Variants in PEBP4 observed in about 807,000 individuals in gnomAD.
PEBP4 encodes the protein phosphatidylethanolamine binding protein 4, also known as phosphatidylethanolamine-binding protein 4.
A neutral mutation model predicts 23.9 loss-of-function variants in PEBP4; 22 were observed. That is an observed-to-expected ratio of 0.92 (90% CI 0.66 to 1.31). PEBP4 has a LOEUF of 1.31. Ranked by LOEUF, PEBP4 falls within the 40% of genes most tolerant of loss-of-function variation. The pLI, the probability that PEBP4 is intolerant of heterozygous loss-of-function variation, is 0.00. For synonymous variants in PEBP4, 112 were observed against 99.3 expected (o/e 1.13, Z -0.76); for missense variants, 324 against 281.7 (o/e 1.15, Z -1.07).
chr8:22,842,642 G>A (rs942406034), intron 3 of PEBP4, among the ~76,000 whole-genome samples: 2 of 152,078 alleles, frequency 1.3e-5, no homozygotes, highest in African/African-American at 4.8e-5. Context: ...GATCCCAACA[G>A]GCCTGCACAG....
intron 3 of PEBP4, among the ~76,000 whole-genome samples, chr8:22,877,796 C>T (rs1435232490): frequency 7.9e-5 from 12 of 152,236 alleles, no homozygotes; most frequent in Admixed American, 7.2e-4. Context: ...TAAACACTGC[C>T]TCAGAGACAC....
intron 4 of PEBP4, among the ~76,000 whole-genome samples, chr8:22,751,212 C>T (rs1169900622): frequency 6.6e-6 from 1 of 152,162 alleles, no homozygotes; most frequent in Admixed American, 6.5e-5. Flanking sequence ...AGGGTGACCA[C>T]TCGGAACTAA....
chr8:22,782,590 C>T (rs1342507089), intron 4 of PEBP4, among the ~76,000 whole-genome samples: 1 of 152,226 alleles, frequency 6.6e-6, no homozygotes, highest in Non-Finnish European at 1.5e-5. Context: ...AGAATGATTT[C>T]TTCAAGCAAG....
At chr8:22,857,866 A>C (rs1049405207) in intron 3 of PEBP4, among the ~76,000 whole-genome samples, 2 of 152,200 alleles carry the variant, frequency 1.3e-5, no homozygotes, top group Non-Finnish European at 2.9e-5. Context: ...GATGGGGAGC[A>C]AGAGGAGAGC....
intron 3 of PEBP4, among the ~76,000 whole-genome samples, chr8:22,914,232 T>G (rs1279291422): frequency 6.6e-6 from 1 of 152,142 alleles, no homozygotes; most frequent in Non-Finnish European, 1.5e-5. Flanking sequence ...TCTGCCCACC[T>G]CAGCCTCCCA....
chr8:22,851,801 CAA>C (rs1563237281), intron 3 of PEBP4, among the ~76,000 whole-genome samples: 2 of 152,010 alleles, frequency 1.3e-5, no homozygotes, highest in African/African-American at 4.8e-5. Context: ...AATCTCGGTG[CAA>C]AGAGACAGCC....
At chr8:22,917,217 A>G (rs1379981577) in intron 3 of PEBP4, among the ~76,000 whole-genome samples, 4 of 152,092 alleles carry the variant, frequency 2.6e-5, no homozygotes, top group Non-Finnish European at 5.9e-5. Context: ...CCATCCCCAC[A>G]TAGCAGTCAC....
Position 22,910,880 on chromosome 8 carries a change from C to T in PEBP4, c.258+9304G>A, listed in dbSNP as rs143381010. Among the ~76,000 whole-genome samples, 376 of 152,286 alleles carry T rather than the reference C, an allele frequency of 2.5e-3. 1 individual carries two copies. Among genetic ancestry groups the T allele is most frequent in the East Asian group, 6.2e-3 (32 of 5,176 alleles). On this transcript the variant is annotated intron_variant, in intron 3 of 6. Transcript: ENST00000256404. ...TCTGTATGATACTATGATGCCATCA[C>T]GCATTTGTAGAAACCCACAGAATGT...
chr8:22,868,013 A>G (rs1807939510), intron 3 of PEBP4, among the ~76,000 whole-genome samples: 1 of 152,224 alleles, frequency 6.6e-6, no homozygotes, highest in Non-Finnish European at 1.5e-5. Flanking sequence ...GATCTAGCCC[A>G]GCCCGGCTGG....
intron 4 of PEBP4, among the ~76,000 whole-genome samples, chr8:22,785,406 C>T (rs771162208): frequency 8.5e-5 from 13 of 152,130 alleles, no homozygotes; most frequent in African/African-American, 1.2e-4. Flanking sequence ...GACAGAACCA[C>T]GGCCATTTCG....
chr8:22,793,248 A>G (rs564952029), intron 4 of PEBP4, among the ~76,000 whole-genome samples: 12 of 152,084 alleles, frequency 7.9e-5, no homozygotes, highest in Admixed American at 7.9e-4. Context: ...TTCACCTTCA[A>G]CCATTTTAAT....
intron 4 of PEBP4, among the ~76,000 whole-genome samples, chr8:22,808,766 T>A (rs4872029): frequency 2.6e-5 from 4 of 152,138 alleles, no homozygotes; most frequent in African/African-American, 9.7e-5. Context: ...TTATCTCCTA[T>A]ATGTTGGCCT....
intron 4 of PEBP4, among the ~76,000 whole-genome samples, chr8:22,780,326 T>C (rs1805889316): frequency 6.6e-6 from 1 of 152,052 alleles, no homozygotes; most frequent in Non-Finnish European, 1.5e-5. Context: ...CAGGCCTGGG[T>C]CAATTTCACT....
At chr8:22,923,858 C>T (rs952786441) in intron 2 of PEBP4, among the ~76,000 whole-genome samples, 9 of 152,088 alleles carry the variant, frequency 5.9e-5, no homozygotes, top group Admixed American at 3.9e-4. Context: ...AACCTTGTAC[C>T]GCACACTGAA....
At chr8:22,851,420 C>T (rs73555803) in intron 3 of PEBP4, among the ~76,000 whole-genome samples, 2,303 of 152,186 alleles carry the variant, frequency 0.015, 70 homozygotes, top group African/African-American at 0.052. Flanking sequence ...TCAGTGAAGC[C>T]TACTTAAGGT....
At chr8:22,883,044 T>A (rs1489379532) in intron 3 of PEBP4, among the ~76,000 whole-genome samples, 4 of 152,114 alleles carry the variant, frequency 2.6e-5, no homozygotes, top group Non-Finnish European at 5.9e-5. Flanking sequence ...CCTCTAGGGA[T>A]CTGTGATTAT....
In PEBP4 at chr8:22,713,341, C is replaced by A. The variant is rs1330843477; in HGVS notation, c.*29G>T. On this transcript the variant is annotated 3_prime_UTR_variant, in exon 7 of 7. Coordinates refer to ENST00000256404, the MANE Select transcript of PEBP4 (RefSeq NM_144962.3). ...ACATCGTCGGTGGTGGGCAGTGTGG[C>A]CACATGCCCGGATGGCAAAGCCGGC... 1 of 1,552,902 alleles carries A rather than the reference C, an allele frequency of 6.4e-7. No individual in the cohort carries two copies. The highest frequency in any genetic ancestry group is 8.7e-7 in the Non-Finnish European group (1 of 1,150,510).
chr8:22,729,752 T>G (rs1239184126), intron 4 of PEBP4, among the ~76,000 whole-genome samples: 3 of 152,086 alleles, frequency 2.0e-5, no homozygotes, highest in African/African-American at 7.2e-5. Context: ...CACGGACAGG[T>G]GCTGGTCCTC....
intron 3 of PEBP4, among the ~76,000 whole-genome samples, chr8:22,853,173 T>C (rs769760870): frequency 6.6e-6 from 1 of 152,234 alleles, no homozygotes; most frequent in Non-Finnish European, 1.5e-5. Flanking sequence ...TGACCAAGAA[T>C]TTTATTAGTC....
Sources: gnomAD v4.1 joint callset for allele counts (sites outside exome capture counted in the v4.1 genomes callset) on GRCh38, gnomAD v4.1.1 for gene constraint, MANE v1.5 for transcripts, NCBI Gene and HGNC (gene_info 2026-07-23, HGNC 2026-07-21) for gene names.